PLD5: variants seen among roughly 807,000 people sequenced by gnomAD.
The protein encoded by PLD5 is inactive phospholipase D5.
A neutral mutation model predicts 61.1 loss-of-function variants in PLD5; 36 were observed. That is an observed-to-expected ratio of 0.59 (90% CI 0.45 to 0.78). The LOEUF is 0.78. Ranked by LOEUF, PLD5 falls within the 30% of genes least tolerant of loss-of-function variation. The pLI is 0.00. For missense variants in PLD5, 515 were observed against 644.4 expected, an observed-to-expected ratio of 0.80 and a Z score of 2.17; for synonymous variants, 243 against 242.8, an observed-to-expected ratio of 1.00 and a Z score of -0.01.
chr1:242,493,624 G>A (rs947865739), intron 1 of PLD5, among the ~76,000 whole-genome samples: 15 of 152,284 alleles, frequency 9.9e-5, no homozygotes, highest in African/African-American at 3.4e-4. Context: ...GCTGGAGAGA[G>A]GACGGGCTTG....
chr1:242,230,646 G>A (rs917620467), intron 4 of PLD5, among the ~76,000 whole-genome samples: 7 of 152,260 alleles, frequency 4.6e-5, no homozygotes, highest in African/African-American at 1.7e-4. Context: ...ATGACACATC[G>A]TTGCTTTCAA....
chr1:242,394,793 T>TATATATAC, intron 1 of PLD5, among the ~76,000 whole-genome samples: 1 of 86,484 alleles, frequency 1.2e-5, no homozygotes, highest in African/African-American at 5.2e-5. Context: ...TATATGTGAA[T>TATATATAC]ATATATGTGT....
At chr1:242,442,216 A>G (rs1314472060) in intron 1 of PLD5, among the ~76,000 whole-genome samples, 5 of 152,242 alleles carry the variant, frequency 3.3e-5, no homozygotes, top group Non-Finnish European at 7.3e-5. Context: ...AAAGTACCAG[A>G]GTTCCTTAAA....
chr1:242,475,369 G>A (rs1291767875), intron 1 of PLD5, among the ~76,000 whole-genome samples: 2 of 141,310 alleles, frequency 1.4e-5, no homozygotes, highest in African/African-American at 5.4e-5. Flanking sequence ...CTTGCAGTGA[G>A]CCGAGATTGC....
At chr1:242,195,416 C>CTT (rs1668577255) in intron 5 of PLD5, among the ~76,000 whole-genome samples, 1 of 152,216 alleles carries the variant, frequency 6.6e-6, no homozygotes, top group African/African-American at 2.4e-5. Context: ...GTTTCTTCTA[C>CTT]TTTGATGCTT....
At chr1:242,223,965 T>C (rs1670769900) in intron 4 of PLD5, among the ~76,000 whole-genome samples, 1 of 152,146 alleles carries the variant, frequency 6.6e-6, no homozygotes, top group Non-Finnish European at 1.5e-5. Flanking sequence ...AATATATCTG[T>C]TTGTTGGTTA....
rs2149261624 is a variant in PLD5 at position 242,387,870 on chromosome 1, T to A, written c.190-39628A>T. ...TTCATTATAAAGGAAAACTAAGCAT[T>A]AAGACTGTAGTTGACAGAGACTGAA... On this transcript the variant is annotated intron_variant, in intron 1 of 9. Transcript: ENST00000536534. 1.3e-5 allele frequency among the ~76,000 whole-genome samples: 2 copies of A among 152,190 alleles called. 1 individual carries two copies. The highest frequency in any genetic ancestry group is 4.1e-4 in the South Asian group (2 of 4,820).
intron 1 of PLD5, among the ~76,000 whole-genome samples, chr1:242,388,784 G>A (rs535713670): frequency 2.4e-4 from 36 of 152,008 alleles, no homozygotes; most frequent in African/African-American, 8.0e-4. Flanking sequence ...GTGAAACCCC[G>A]TTTCTACTAA....
intron 8 of PLD5, among the ~76,000 whole-genome samples, chr1:242,103,232 G>A (rs1427393986): frequency 2.0e-5 from 3 of 152,160 alleles, no homozygotes; most frequent in Non-Finnish European, 4.4e-5. Context: ...TCACTGGGCA[G>A]CCTCTTCACC....
At chr1:242,251,009 T>TA (rs1046843766) in intron 4 of PLD5, among the ~76,000 whole-genome samples, 6 of 151,870 alleles carry the variant, frequency 4.0e-5, no homozygotes, top group African/African-American at 1.5e-4. Flanking sequence ...GCGGGGCAAA[T>TA]AAAAAAATAG....
intron 5 of PLD5, among the ~76,000 whole-genome samples, chr1:242,177,471 G>A (rs7541637): frequency 0.018 from 2,739 of 152,170 alleles, 85 homozygotes; most frequent in African/African-American, 0.063. Flanking sequence ...TGTAGGTGAC[G>A]GGTTGATGGG....
chr1:242,496,644 A>T (rs1378740298), intron 1 of PLD5, among the ~76,000 whole-genome samples: 3 of 152,168 alleles, frequency 2.0e-5, no homozygotes, highest in Non-Finnish European at 2.9e-5. Context: ...TTTTTCATAT[A>T]CACAACACAC....
intron 4 of PLD5, among the ~76,000 whole-genome samples, chr1:242,253,272 C>T (rs543191322): frequency 6.8e-6 from 1 of 146,402 alleles, no homozygotes; most frequent in South Asian, 2.2e-4. Context: ...GCTGGCATTA[C>T]AAGTGTGAAT....
At chr1:242,445,456 C>T (rs923535454) in intron 1 of PLD5, among the ~76,000 whole-genome samples, 2 of 152,192 alleles carry the variant, frequency 1.3e-5, no homozygotes, top group Non-Finnish European at 2.9e-5. Context: ...ATTCTCCTGC[C>T]TCAGCCTCCC....
chr1:242,155,456 A>G (rs113144030), intron 5 of PLD5, among the ~76,000 whole-genome samples: 1 of 152,076 alleles, frequency 6.6e-6, no homozygotes, highest in Non-Finnish European at 1.5e-5. Context: ...TGTCAATTTT[A>G]GATCTTTCCT....
intron 1 of PLD5, among the ~76,000 whole-genome samples, chr1:242,355,544 A>G (rs919809048): frequency 6.6e-6 from 1 of 151,744 alleles, no homozygotes; most frequent in Non-Finnish European, 1.5e-5. Context: ...TTTTCAAATA[A>G]CCACTCTTAG....
chr1:242,522,230 T>C (rs1256270944), intron 1 of PLD5, among the ~76,000 whole-genome samples: 3 of 152,210 alleles, frequency 2.0e-5, no homozygotes, highest in Non-Finnish European at 4.4e-5. Flanking sequence ...TTTTTAAAAA[T>C]GTATGCAATG....
In PLD5 at chr1:242,265,318, A is replaced by G. The variant is rs780839032; in HGVS notation, c.607+19T>C. On this transcript the variant is annotated intron_variant, in intron 4 of 9. Coordinates refer to ENST00000536534, the MANE Select transcript of PLD5 (RefSeq NM_001372062.1). ...ACAGAACACCCAGCGGTAGAATAGCATATCAACCTTGGTCTTACCCTTTAA... is the reference window on the plus strand; with the variant it reads ...ACAGAACACCCAGCGGTAGAATAGCGTATCAACCTTGGTCTTACCCTTTAA... 1.1e-5 allele frequency: 18 copies of G among 1,599,920 alleles called. No individual in the cohort carries two copies. The highest frequency in any genetic ancestry group is 7.1e-5 in the Admixed American group (4 of 55,974).
chr1:242,405,100 T>C (rs1664159193), intron 1 of PLD5, among the ~76,000 whole-genome samples: 1 of 151,862 alleles, frequency 6.6e-6, no homozygotes, highest in Non-Finnish European at 1.5e-5. Flanking sequence ...AGGCTGGTCT[T>C]GAACTCCTGA....
Sources: allele counts gnomAD v4.1 joint callset (sites outside exome capture counted in the v4.1 genomes callset), GRCh38; gene constraint gnomAD v4.1.1; transcripts MANE v1.5; gene names NCBI Gene and HGNC (gene_info 2026-07-23, HGNC 2026-07-21).